The following TMEM178B variants were observed in gnomAD, a reference collection of about 807,000 sequenced individuals.
TMEM178B encodes transmembrane protein 178B.
A neutral mutation model predicts 31.0 loss-of-function variants in TMEM178B; 5 were observed. The ratio of observed to expected loss-of-function variants is 0.16; its 90% CI spans 0.08 to 0.34. TMEM178B has a LOEUF of 0.34. Among genes scored for constraint, TMEM178B ranks in the 10% least tolerant of loss-of-function variants. The probability of loss-of-function intolerance (pLI) is 1.00; values close to 1 mark genes in which losing one functional copy is unlikely to be tolerated. For missense variants in TMEM178B, 275 were observed against 400.3 expected, an observed-to-expected ratio of 0.69 and a Z score of 2.67; for synonymous variants, 164 against 164.0, an observed-to-expected ratio of 1.00 and a Z score of 0.00.
chr7:141,438,041 T>C (rs1367956764), intron 3 of TMEM178B, among the ~76,000 whole-genome samples: 1 of 152,144 alleles, frequency 6.6e-6, no homozygotes, highest in Non-Finnish European at 1.5e-5. Flanking sequence ...TTACGGCAGA[T>C]GGAGATATCA....
intron 3 of TMEM178B, among the ~76,000 whole-genome samples, chr7:141,465,151 G>A (rs1802128345): frequency 6.6e-6 from 1 of 152,172 alleles, no homozygotes; most frequent in South Asian, 2.1e-4. Context: ...GGGAGAGCAG[G>A]ACTTTTATCT....
At chr7:141,100,223 A>T (rs1473611827) in intron 1 of TMEM178B, among the ~76,000 whole-genome samples, 14 of 148,794 alleles carry the variant, frequency 9.4e-5, no homozygotes, top group African/African-American at 2.0e-4. Context: ...TTTTTTTTTT[A>T]AATAAGTAAC....
At chr7:141,458,127 G>T (rs1391586334) in intron 3 of TMEM178B, among the ~76,000 whole-genome samples, 1 of 152,088 alleles carries the variant, frequency 6.6e-6, no homozygotes, top group African/African-American at 2.4e-5. Context: ...TTTGTTTGTT[G>T]TTTATTGTTT....
chr7:141,468,296 T>C (rs200747849), intron 3 of TMEM178B, among the ~76,000 whole-genome samples: 1 of 152,178 alleles, frequency 6.6e-6, no homozygotes, highest in Admixed American at 6.5e-5. Context: ...AAACTGTGGG[T>C]GTGGGGCTCA....
rs902948186 is a variant in TMEM178B, at chr7:141,318,173, A to G, written c.496+105469A>G. On this transcript the variant is annotated intron_variant, in intron 2 of 3. Coordinates refer to ENST00000565468, the MANE Select transcript of TMEM178B (RefSeq NM_001195278.2). The surrounding 1 kb of genome is among the most constrained non-coding windows in gnomAD (Gnocchi z 4.1). ...CATCCTTCTGTCCATCAGTCCATCC[A>G]TCCATTTGTCCATTCAGTAACAGAT... Among the ~76,000 whole-genome samples the G allele has an allele frequency of 7.2e-5, 11 of 152,212 alleles. No individual in the cohort carries two copies. Among genetic ancestry groups the G allele is most frequent in the African/African-American group, 2.7e-4 (11 of 41,458 alleles).
intron 2 of TMEM178B, among the ~76,000 whole-genome samples, chr7:141,319,620 T>C (rs1799064248): frequency 6.6e-6 from 1 of 152,154 alleles, no homozygotes; most frequent in Non-Finnish European, 1.5e-5. Flanking sequence ...TGGCATGATC[T>C]CAGCTTACTG....
intron 2 of TMEM178B, among the ~76,000 whole-genome samples, chr7:141,427,822 C>T (rs1430487078): frequency 6.6e-6 from 1 of 151,956 alleles, no homozygotes; most frequent in Non-Finnish European, 1.5e-5. Flanking sequence ...GATTAATATC[C>T]AAAATATATA....
At chr7:141,350,952 C>T (rs1206657911) in intron 2 of TMEM178B, among the ~76,000 whole-genome samples, 1 of 152,172 alleles carries the variant, frequency 6.6e-6, no homozygotes, top group Non-Finnish European at 1.5e-5. Context: ...GAAACTGTAC[C>T]TGGGGCCCTC....
chr7:141,183,641 T>G (rs940433442), intron 1 of TMEM178B, among the ~76,000 whole-genome samples: 4 of 152,318 alleles, frequency 2.6e-5, no homozygotes, highest in Admixed American at 2.6e-4. Context: ...TCTTCCTCCT[T>G]TTTGCTTCTC....
At position 141,451,604 on chromosome 7, in the gene TMEM178B, C is replaced by T. The variant is rs546294759; in HGVS notation, c.634+13859C>T. Among the ~76,000 whole-genome samples, 5 of 152,244 alleles carry T rather than the reference C, an allele frequency of 3.3e-5. No homozygotes were observed. In the South Asian group the frequency reaches 6.2e-4, roughly 19 times the overall value. On this transcript the variant is annotated intron_variant, in intron 3 of 3. Coordinates refer to ENST00000565468, the MANE Select transcript of TMEM178B (RefSeq NM_001195278.2). The stretch of plus-strand genomic sequence containing the variant: ...GCTCATGACCTGGTAAGGTAAGAGA[C>T]GACTCCACACGGCCATCTCATTATG...
chr7:141,216,867 C>T (rs112400743), intron 2 of TMEM178B, among the ~76,000 whole-genome samples: 6,911 of 152,004 alleles, frequency 0.045, 521 homozygotes, highest in African/African-American at 0.16. Flanking sequence ...CGAGGTAGAA[C>T]GGCATTTATC....
At chr7:141,292,297 C>A (rs2116423644) in intron 2 of TMEM178B, among the ~76,000 whole-genome samples, 1 of 152,316 alleles carries the variant, frequency 6.6e-6, no homozygotes, top group South Asian at 2.1e-4. Context: ...GTGTCATATT[C>A]TTTGACATTT....
chr7:141,225,050 C>T (rs1797318751), intron 2 of TMEM178B, among the ~76,000 whole-genome samples: 1 of 152,138 alleles, frequency 6.6e-6, no homozygotes, highest in Non-Finnish European at 1.5e-5. Flanking sequence ...ACCACAGTGC[C>T]TACCATGCGG....
At chr7:141,362,531 A>T (rs1453551592) in intron 2 of TMEM178B, among the ~76,000 whole-genome samples, 2 of 152,156 alleles carry the variant, frequency 1.3e-5, no homozygotes, top group East Asian at 1.9e-4. Flanking sequence ...AAGACCTATT[A>T]ATTGGTCAGA....
At chr7:141,338,127 G>A (rs762082020) in intron 2 of TMEM178B, among the ~76,000 whole-genome samples, 9 of 152,132 alleles carry the variant, frequency 5.9e-5, no homozygotes, top group South Asian at 2.1e-4. Context: ...GTGAGCCACC[G>A]TGCCCGGCCG....
chr7:141,113,349 G>C (rs1795265347), intron 1 of TMEM178B, among the ~76,000 whole-genome samples: 1 of 152,206 alleles, frequency 6.6e-6, no homozygotes, highest in Non-Finnish European at 1.5e-5. Context: ...TGTTCCCTGA[G>C]ATCCTGAGTC....
intron 2 of TMEM178B, among the ~76,000 whole-genome samples, chr7:141,279,783 C>T (rs1798325196): frequency 2.6e-5 from 4 of 152,240 alleles, no homozygotes; most frequent in Admixed American, 2.6e-4. Context: ...GAGCAAATAG[C>T]ACTGGCTTCT....
At chr7:141,076,626 A>G (rs1002131141) in intron 1 of TMEM178B, among the ~76,000 whole-genome samples, 1 of 152,190 alleles carries the variant, frequency 6.6e-6, no homozygotes, top group African/African-American at 2.4e-5. Flanking sequence ...CCATAGTGAC[A>G]TGTTCTTCCG....
At chr7:141,248,816 A>G (rs1797782385) in intron 2 of TMEM178B, among the ~76,000 whole-genome samples, 1 of 152,246 alleles carries the variant, frequency 6.6e-6, no homozygotes, top group African/African-American at 2.4e-5. Context: ...TAAGCACGAT[A>G]CACTTAGGCC....
Sources: allele counts gnomAD v4.1 joint callset (sites outside exome capture counted in the v4.1 genomes callset), GRCh38; gene constraint gnomAD v4.1.1; non-coding constraint Gnocchi (gnomAD v3.1); transcripts MANE v1.5; gene names NCBI Gene and HGNC (gene_info 2026-07-23, HGNC 2026-07-21).